Variants in SLC35F4 observed in about 807,000 individuals in gnomAD.
The protein encoded by SLC35F4 is chromosome 14 open reading frame 36.
SLC35F4 carries 24 observed loss-of-function variants against 44.2 expected under a neutral mutation model. The ratio of observed to expected loss-of-function variants is 0.54; its 90% confidence interval spans 0.39 to 0.76. The LOEUF (loss-of-function observed/expected upper bound fraction) is 0.76. Ranked by LOEUF, SLC35F4 falls within the 30% of genes least tolerant of loss-of-function variation. SLC35F4 has a pLI of 0.00. For missense variants in SLC35F4, 562 were observed against 586.1 expected (o/e 0.96, Z 0.42); for synonymous variants, 238 against 223.6 (o/e 1.06, Z -0.57).
At chr14:57,632,172 T>C (rs560193351) in intron 1 of SLC35F4, among the ~76,000 whole-genome samples, 53 of 152,228 alleles carry the variant, frequency 3.5e-4, no homozygotes, top group Admixed American at 3.3e-3. Flanking sequence ...CCTGGACATA[T>C]AGTTTCAACA....
At chr14:57,866,355 G>A (rs1033174356), upstream of SLC35F4, among the ~76,000 whole-genome samples, 2 of 152,148 alleles carry the variant, frequency 1.3e-5, no homozygotes, top group Non-Finnish European at 2.9e-5. Flanking sequence ...TCTGTCGCTC[G>A]GGGAGAAGAC....
chr14:57,649,613 A>G (rs2073694442), intron 1 of SLC35F4, among the ~76,000 whole-genome samples: 1 of 152,122 alleles, frequency 6.6e-6, no homozygotes, highest in Non-Finnish European at 1.5e-5. Flanking sequence ...GGGGATTCCA[A>G]TGTGGCATCT....
chr14:57,782,538 C>T (rs1189807766), intron 1 of SLC35F4, among the ~76,000 whole-genome samples: 1 of 152,106 alleles, frequency 6.6e-6, no homozygotes, highest in African/African-American at 2.4e-5. Context: ...GTGGTGTTTG[C>T]AGTTAAGAGC....
intron 1 of SLC35F4, among the ~76,000 whole-genome samples, chr14:57,847,983 G>C (rs576920431): frequency 6.6e-6 from 1 of 152,082 alleles, no homozygotes; most frequent in Non-Finnish European, 1.5e-5. Context: ...TATTTTAAAG[G>C]CATAAATCCA....
intron 1 of SLC35F4, among the ~76,000 whole-genome samples, chr14:57,818,453 GA>G (rs1882836595): frequency 6.6e-6 from 1 of 152,144 alleles, no homozygotes; most frequent in Admixed American, 6.6e-5. Context: ...ACTGGGCAAA[GA>G]AAGGATCACT....
chr14:57,793,158 A>G (rs1045804055), intron 1 of SLC35F4, among the ~76,000 whole-genome samples: 12 of 152,142 alleles, frequency 7.9e-5, no homozygotes, highest in African/African-American at 2.4e-4. Context: ...TCCTCTGAGT[A>G]ACAGAATGCA....
intron 4 of SLC35F4, 121 bp downstream of exon 4, chr14:57,581,093 T>C: frequency 2.0e-6 from 2 of 1,025,490 alleles, no homozygotes; most frequent in Admixed American, 3.5e-5. Flanking sequence ...TTTCGGTTTG[T>C]ACTCAGAACA....
intron 1 of SLC35F4, among the ~76,000 whole-genome samples, chr14:57,969,876 G>C (rs1881003564): frequency 6.6e-6 from 1 of 152,180 alleles, no homozygotes; most frequent in Non-Finnish European, 1.5e-5. Flanking sequence ...TTGAGCAGCA[G>C]TACCAAATTT....
At chr14:57,570,791 C>G (rs1432376070) in intron 5 of SLC35F4, among the ~76,000 whole-genome samples, 1 of 152,166 alleles carries the variant, frequency 6.6e-6, no homozygotes, top group Non-Finnish European at 1.5e-5. Context: ...TGTAAGAGTG[C>G]CATTCTGGTC....
At chr14:57,802,905 A>G (rs2078223617) in intron 1 of SLC35F4, among the ~76,000 whole-genome samples, 1 of 151,806 alleles carries the variant, frequency 6.6e-6, no homozygotes, top group Non-Finnish European at 1.5e-5. Flanking sequence ...AACTATTCCA[A>G]AAAGTTGAAA....
At chr14:57,832,440 C>T (rs1001873739) in intron 1 of SLC35F4, among the ~76,000 whole-genome samples, 1 of 152,120 alleles carries the variant, frequency 6.6e-6, no homozygotes, top group Non-Finnish European at 1.5e-5. Flanking sequence ...TCATGTATGA[C>T]ATGAGGACTA....
At chr14:57,969,090 A>G (rs1325858648) in intron 1 of SLC35F4, among the ~76,000 whole-genome samples, 1 of 152,252 alleles carries the variant, frequency 6.6e-6, no homozygotes, top group Non-Finnish European at 1.5e-5. Context: ...GAAGAGACTA[A>G]GCCCACAAAG....
At chr14:57,782,207 A>C (rs2140750338) in intron 1 of SLC35F4, among the ~76,000 whole-genome samples, 1 of 152,314 alleles carries the variant, frequency 6.6e-6, no homozygotes, top group South Asian at 2.1e-4. Context: ...AATTTATATG[A>C]GTCAGTTACA....
chr14:57,661,451 C>CA (rs2074133943), intron 1 of SLC35F4, among the ~76,000 whole-genome samples: 1 of 152,148 alleles, frequency 6.6e-6, no homozygotes, highest in Non-Finnish European at 1.5e-5. Context: ...GAGAAGTCAA[C>CA]ATTATTGACT....
chr14:57,848,865 C>T (rs1886270805), intron 1 of SLC35F4, among the ~76,000 whole-genome samples: 1 of 152,132 alleles, frequency 6.6e-6, no homozygotes, highest in Non-Finnish European at 1.5e-5. Context: ...TGAGGATCCA[C>T]CTTGGTTACT....
chr14:57,843,377 G>A (rs963092982), intron 1 of SLC35F4, among the ~76,000 whole-genome samples: 2 of 152,096 alleles, frequency 1.3e-5, no homozygotes, highest in African/African-American at 2.4e-5. Flanking sequence ...GCAGGCTATG[G>A]GGGTAATGAG....
At chr14:57,961,393 G>A (rs928614149) in intron 1 of SLC35F4, among the ~76,000 whole-genome samples, 1 of 152,162 alleles carries the variant, frequency 6.6e-6, no homozygotes, top group African/African-American at 2.4e-5. Context: ...AACACGTCCT[G>A]AGGAGAGAGG....
intron 1 of SLC35F4, among the ~76,000 whole-genome samples, chr14:57,844,347 A>G (rs1209423493): frequency 6.6e-6 from 1 of 152,236 alleles, no homozygotes; most frequent in Non-Finnish European, 1.5e-5. Flanking sequence ...TGTGAATAAC[A>G]CGGGGCAAGA....
At chr14:57,690,943 C>T (rs2075213562) in intron 1 of SLC35F4, among the ~76,000 whole-genome samples, 1 of 152,124 alleles carries the variant, frequency 6.6e-6, no homozygotes, top group African/African-American at 2.4e-5. Context: ...CTGTGCAGCC[C>T]AGTACCTAAC....
Sources: allele counts gnomAD v4.1 joint callset (sites outside exome capture counted in the v4.1 genomes callset), GRCh38; gene constraint gnomAD v4.1.1; transcripts MANE v1.5; gene names NCBI Gene and HGNC (gene_info 2026-07-23, HGNC 2026-07-21).